LRRC56: variants seen among roughly 807,000 people sequenced by gnomAD.
The protein encoded by LRRC56 is leucine-rich repeat-containing protein 56.
A neutral mutation model predicts 47.8 loss-of-function variants in LRRC56; 41 were observed. That is an observed-to-expected ratio of 0.86 (90% CI 0.67 to 1.11). The LOEUF (loss-of-function observed/expected upper bound fraction) is 1.11, where lower values mean the gene tolerates loss of function less well. LRRC56 is among the 50% of genes most tolerant of loss of function. LRRC56 has a pLI of 0.00. For synonymous variants in LRRC56, 387 were observed against 311.2 expected (o/e 1.24, Z -2.56); for missense variants, 759 against 704.2 (o/e 1.08, Z -0.88).
At chr11:539,419 C>T (rs531339965) in intron 2 of LRRC56, among the ~76,000 whole-genome samples, 161 bp from the exon 3 acceptor site, 2 of 126,042 alleles carry the variant, frequency 1.6e-5, no homozygotes, top group Admixed American at 9.3e-5. Flanking sequence ...GAGTCTTGCT[C>T]TGTTGCCCAG....
chr11:524,927 C>T, the LRRC56 span, among the ~76,000 whole-genome samples: 2 of 150,450 alleles, frequency 1.3e-5, no homozygotes, highest in Non-Finnish European at 3.0e-5. Flanking sequence ...CCTATCTCTA[C>T]TAAAATACAA....
upstream of LRRC56, chr11:533,457 C>T (rs2133986147): frequency 1.9e-6 from 3 of 1,613,188 alleles, no homozygotes; most frequent in Non-Finnish European, 2.5e-6. Flanking sequence ...CCTCACCTGC[C>T]GGGTCTTGGC....
intron 8 of LRRC56, among the ~76,000 whole-genome samples, chr11:550,843 C>T (rs1852346431): frequency 6.6e-6 from 1 of 152,128 alleles, no homozygotes; most frequent in African/African-American, 2.4e-5. Context: ...GCTCCGTGGG[C>T]CAGAGCCCTG....
Position 552,602 on chromosome 11 carries a change from G to T in LRRC56, c.1215G>T (p.Gln405His). Residue 405 changes from glutamine to histidine, a missense_variant, in exon 13 of 14, where the codon CAG becomes CAT. Gln to His is a conservative substitution (Grantham distance 24, BLOSUM62 0). Transcript: ENST00000270115. ...PLPYRHPESQ[Q>H]EGAVAPWGPR... Reference sequence around the variant, plus strand: ...CCTATAGGCACCCGGAGTCCCAACAGGAAGGGGCTGTAGCCCCCTGGGGCC... The same window carrying T: ...CCTATAGGCACCCGGAGTCCCAACATGAAGGGGCTGTAGCCCCCTGGGGCC... The T allele has an allele frequency of 6.2e-7, 1 of 1,609,116 alleles. No individual in the cohort carries two copies. Among genetic ancestry groups the T allele is most frequent in the Non-Finnish European group, 8.5e-7 (1 of 1,178,078 alleles).
chr11:526,096 A>G, the LRRC56 span, among the ~76,000 whole-genome samples: 10 of 151,360 alleles, frequency 6.6e-5, no homozygotes, highest in Admixed American at 5.3e-4. Flanking sequence ...AGTCCCAGCT[A>G]CTCGGGAGGC....
upstream of LRRC56, chr11:532,710 G>A (rs1439562437): frequency 1.9e-6 from 3 of 1,613,076 alleles, no homozygotes; most frequent in African/African-American, 1.3e-5. Context: ...CGCAGCTTGT[G>A]CTGCCGGATC....
upstream of LRRC56, chr11:533,520 C>A (rs1554884794): frequency 1.2e-6 from 2 of 1,613,798 alleles, no homozygotes; most frequent in Non-Finnish European, 1.7e-6. Context: ...CTGAGCCTGC[C>A]GAGATTCCAC....
chr11:554,046 C>CGGT lies in LRRC56; in HGVS notation c.1403_1405dup (p.Trp468dup). ...ACGAGATTCTGGCAGCAGCTCCCCG[C>CGGT]GGTGGTCGACAGACCTGCAGTCCAG... On this transcript the variant is annotated inframe_insertion, in exon 14 of 14. Transcript: ENST00000270115. The CGGT allele has an allele frequency of 1.2e-6, 2 of 1,611,886 alleles. No individual in the cohort carries two copies. The highest frequency in any genetic ancestry group is 2.2e-5 in the South Asian group (2 of 91,068).
Position 554,121 on chromosome 11 carries a change from G to A in LRRC56, c.1474G>A (p.Gly492Arg). 1 of 1,604,896 alleles carries A rather than the reference G, an allele frequency of 6.2e-7. No individual in the cohort carries two copies. Among genetic ancestry groups the A allele is most frequent in the African/African-American group, 1.3e-5 (1 of 74,976 alleles). Reference sequence around the variant, plus strand: ...CAGCTGGGGGCCTGGCCTGGGTGATGGGGTGGCTGCAGTGCCTGTCCTGAG... The same window carrying A: ...CAGCTGGGGGCCTGGCCTGGGTGATAGGGTGGCTGCAGTGCCTGTCCTGAG... ...LGSWGPGLGD[G>R]VAAVPVLRAL... The change falls in exon 14 of 14, where the codon GGG (glycine) becomes AGG (arginine). Residue 492 changes from glycine (G) to arginine (R), a missense_variant. Gly to Arg is a moderately radical substitution (Grantham distance 125, BLOSUM62 -2). Coordinates refer to ENST00000270115, the MANE Select transcript of LRRC56 (RefSeq NM_198075.4).
intron 9 of LRRC56, 55 bp from the exon 10 acceptor site, chr11:551,596 T>G (rs1852393615): frequency 6.6e-7 from 1 of 1,511,652 alleles, no homozygotes; most frequent in Non-Finnish European, 8.9e-7. Flanking sequence ...GGACAGAGTC[T>G]GGGGGGCGCT....
the LRRC56 span, among the ~76,000 whole-genome samples, chr11:521,093 C>T: frequency 6.6e-6 from 1 of 152,204 alleles, no homozygotes; most frequent in Admixed American, 6.5e-5. Context: ...GGGCAGACGC[C>T]CTGCCAGGCC....
chr11:508,803 G>A, the LRRC56 span, among the ~76,000 whole-genome samples: 1 of 151,334 alleles, frequency 6.6e-6, no homozygotes, highest in African/African-American at 2.4e-5. Context: ...CAACACTTTG[G>A]GAGGCCAAGG....
the LRRC56 span, among the ~76,000 whole-genome samples, chr11:515,009 G>T: frequency 2.0e-5 from 3 of 152,314 alleles, no homozygotes; most frequent in East Asian, 5.8e-4. Context: ...ACCTGAAATT[G>T]GGCCGTTTGA....
At chr11:544,851 G>T (rs539227105) in intron 6 of LRRC56, 71 bp downstream of exon 6, 17 of 1,428,614 alleles carry the variant, frequency 1.2e-5, no homozygotes, top group South Asian at 6.9e-5. Context: ...CTGCAGGGAT[G>T]GGGGGAGAAC....
the LRRC56 span, among the ~76,000 whole-genome samples, chr11:510,905 C>G: frequency 2.7e-5 from 4 of 150,552 alleles, no homozygotes; most frequent in East Asian, 8.1e-4. Context: ...TGAACCATGT[C>G]TCTAAATAAA....
chr11:507,195 T>TGAACGTGTC, the LRRC56 span: 1 of 152,008 alleles, frequency 6.6e-6, no homozygotes, highest in Non-Finnish European at 1.5e-5. Flanking sequence ...CAGAACGGGT[T>TGAACGTGTC]GAACGTGTCG....
chr11:511,019 C>T, the LRRC56 span, among the ~76,000 whole-genome samples: 2 of 152,218 alleles, frequency 1.3e-5, no homozygotes, highest in South Asian at 2.1e-4. Context: ...TCACACGCAG[C>T]ACGTGAAATG....
chr11:551,855 T>A, intron 10 of LRRC56, 28 bp downstream of exon 10: 1 of 1,609,496 alleles, frequency 6.2e-7, no homozygotes, highest in Non-Finnish European at 8.5e-7. Flanking sequence ...AAGCTGACCC[T>A]GCAGCCCCTC....
chr11:539,427 C>T (rs1254591554), intron 2 of LRRC56, among the ~76,000 whole-genome samples, 153 bp from the exon 3 acceptor site: 7 of 138,558 alleles, frequency 5.1e-5, no homozygotes, highest in Non-Finnish European at 6.1e-5. Flanking sequence ...CTCTGTTGCC[C>T]AGGCTGGAGG....
Sources: allele counts gnomAD v4.1 joint callset (sites outside exome capture counted in the v4.1 genomes callset), GRCh38; gene constraint gnomAD v4.1.1; transcripts MANE v1.5; gene names NCBI Gene and HGNC (gene_info 2026-07-23, HGNC 2026-07-21).